FGF14: variants seen among roughly 807,000 people sequenced by gnomAD.
FGF14 encodes fibroblast growth factor homologous factor 4.
FGF14 carries 5 observed loss-of-function variants against 25.5 expected under a neutral mutation model. The ratio of observed to expected loss-of-function variants is 0.20; its 90% CI spans 0.10 to 0.41. The LOEUF (loss-of-function observed/expected upper bound fraction) is 0.41. Ranked by LOEUF, FGF14 falls within the 10% of genes least tolerant of loss-of-function variation. FGF14 has a pLI of 1.00. For synonymous variants in FGF14, 138 were observed against 118.3 expected, an observed-to-expected ratio of 1.17 and a Z score of -1.08; for missense variants, 222 against 320.1, an observed-to-expected ratio of 0.69 and a Z score of 2.34.
chr13:102,365,162 A>C (rs1253341200), intron 1 of FGF14, among the ~76,000 whole-genome samples: 1 of 152,158 alleles, frequency 6.6e-6, no homozygotes, highest in Non-Finnish European at 1.5e-5. Context: ...AGGGAGAAAC[A>C]AAGTTCTTAA....
chr13:102,116,170 G>T (rs990844241), intron 1 of FGF14, among the ~76,000 whole-genome samples: 1 of 152,076 alleles, frequency 6.6e-6, no homozygotes, highest in Non-Finnish European at 1.5e-5. Flanking sequence ...ATATCACTAG[G>T]ATGGCTATTA....
chr13:102,244,892 C>A (rs1055636835), intron 1 of FGF14, among the ~76,000 whole-genome samples: 1 of 151,880 alleles, frequency 6.6e-6, no homozygotes, highest in African/African-American at 2.4e-5. Context: ...TGTGTTTAAA[C>A]CCGGAAATGA....
Position 102,297,014 on chromosome 13 carries a change from A to G in FGF14, c.208+104457T>C, listed in dbSNP as rs115790881. ...TTTAATCAACAACAACAACAACAAA[A>G]AAAGTAATTTTACAGTGGAATAACA... is the stretch of plus-strand genomic sequence containing the variant. On this transcript the variant is annotated intron_variant, in intron 1 of 4. Coordinates refer to the FGF14 transcript ENST00000376131. 2.0e-3 allele frequency among the ~76,000 whole-genome samples: 307 copies of G among 152,274 alleles called. 1 individual carries two copies. Among genetic ancestry groups the G allele is most frequent in the African/African-American group, 7.2e-3 (299 of 41,568 alleles).
chr13:102,241,167 A>AT (rs1290081065), intron 1 of FGF14, among the ~76,000 whole-genome samples: 2 of 152,126 alleles, frequency 1.3e-5, no homozygotes, highest in African/African-American at 4.8e-5. Context: ...AGGGGCACTC[A>AT]TACAGAAAGG....
chr13:102,221,149 C>T (rs999174625), intron 1 of FGF14, among the ~76,000 whole-genome samples: 3 of 152,092 alleles, frequency 2.0e-5, no homozygotes, highest in Non-Finnish European at 4.4e-5. Context: ...TCTAGCAATG[C>T]AAATAATTAA....
chr13:101,885,967 C>A (rs1207643225), intron 1 of FGF14, among the ~76,000 whole-genome samples: 1 of 152,000 alleles, frequency 6.6e-6, no homozygotes, highest in African/African-American at 2.4e-5. Flanking sequence ...TATTTCAAAC[C>A]AGTTTTAAAA....
At chr13:101,731,771 T>A (rs2035827661) in intron 3 of FGF14, among the ~76,000 whole-genome samples, 1 of 152,232 alleles carries the variant, frequency 6.6e-6, no homozygotes, top group South Asian at 2.1e-4. Flanking sequence ...TCCAGCAAAC[T>A]GACTCTCAGG....
intron 1 of FGF14, among the ~76,000 whole-genome samples, chr13:102,055,733 C>A (rs1296161327): frequency 6.6e-6 from 1 of 152,160 alleles, no homozygotes; most frequent in African/African-American, 2.4e-5. Context: ...GGGCCAGACC[C>A]AGCCTGCCTA....
chr13:102,285,181 T>C (rs1012115787), intron 1 of FGF14, among the ~76,000 whole-genome samples: 2 of 152,230 alleles, frequency 1.3e-5, no homozygotes, highest in Non-Finnish European at 2.9e-5. Flanking sequence ...CATGAGTCCA[T>C]AATAAATCCC....
At chr13:101,951,406 T>C (rs1176291569) in intron 1 of FGF14, among the ~76,000 whole-genome samples, 8 of 152,150 alleles carry the variant, frequency 5.3e-5, no homozygotes, top group Non-Finnish European at 1.2e-4. Flanking sequence ...CTTTATTTTT[T>C]TTCAGTTTTC....
intron 1 of FGF14, among the ~76,000 whole-genome samples, chr13:102,040,953 C>G (rs2041703147): frequency 6.6e-6 from 1 of 150,622 alleles, no homozygotes; most frequent in Admixed American, 6.6e-5. Flanking sequence ...CTTACCTAAT[C>G]ACAGATTGGT....
intron 1 of FGF14, among the ~76,000 whole-genome samples, chr13:101,906,832 G>A (rs1336855912): frequency 1.3e-5 from 2 of 152,094 alleles, no homozygotes; most frequent in African/African-American, 4.8e-5. Context: ...TGTGTAATAG[G>A]TAGGTAAAGA....
At chr13:102,047,144 A>G (rs575629141) in intron 1 of FGF14, among the ~76,000 whole-genome samples, 1 of 152,198 alleles carries the variant, frequency 6.6e-6, no homozygotes, top group Non-Finnish European at 1.5e-5. Context: ...CCTAGATAAG[A>G]GAACAAAATA....
chr13:101,731,739 C>A (rs372067416), intron 3 of FGF14, among the ~76,000 whole-genome samples: 10 of 152,254 alleles, frequency 6.6e-5, no homozygotes, highest in African/African-American at 1.4e-4. Flanking sequence ...TTGAAAGTGA[C>A]CTTGAGAATC....
intron 1 of FGF14, among the ~76,000 whole-genome samples, chr13:102,138,196 A>T (rs983003900): frequency 1.9e-5 from 2 of 105,884 alleles, no homozygotes; most frequent in African/African-American, 7.2e-5. Flanking sequence ...TGGCCCTAAG[A>T]CAATAACACA....
At chr13:102,246,598 A>G (rs1403031058) in intron 1 of FGF14, among the ~76,000 whole-genome samples, 1 of 152,038 alleles carries the variant, frequency 6.6e-6, no homozygotes, top group Non-Finnish European at 1.5e-5. Flanking sequence ...GCAGTTAATG[A>G]TTGACTCTAT....
At chr13:102,103,694 A>G (rs779499278) in intron 1 of FGF14, among the ~76,000 whole-genome samples, 3 of 152,138 alleles carry the variant, frequency 2.0e-5, no homozygotes, top group Non-Finnish European at 2.9e-5. Context: ...CAGGCAGTCT[A>G]TTTGCACACT....
chr13:101,885,135 T>C (rs2045925831), intron 1 of FGF14, among the ~76,000 whole-genome samples: 2 of 152,216 alleles, frequency 1.3e-5, no homozygotes, highest in South Asian at 4.1e-4. Flanking sequence ...AACTGTGAGA[T>C]GTGGAGTTGC....
At chr13:101,984,751 A>G (rs1048477359) in intron 1 of FGF14, among the ~76,000 whole-genome samples, 1 of 152,188 alleles carries the variant, frequency 6.6e-6, no homozygotes, top group Non-Finnish European at 1.5e-5. Context: ...AAAACAAATC[A>G]TGACAACTAA....
Sources: allele counts gnomAD v4.1 joint callset (sites outside exome capture counted in the v4.1 genomes callset), GRCh38; gene constraint gnomAD v4.1.1; transcripts MANE v1.5; gene names NCBI Gene and HGNC (gene_info 2026-07-23, HGNC 2026-07-21).